The following COL13A1 variants were observed in gnomAD, a reference collection of about 807,000 sequenced individuals.
COL13A1 encodes collagen alpha-1(XIII) chain.
A neutral mutation model predicts 130.9 loss-of-function variants in COL13A1; 89 were observed. The observed-to-expected ratio is 0.68, with a 90% CI of 0.57 to 0.81. The LOEUF is 0.81. Ranked by LOEUF, COL13A1 falls within the 30% of genes least tolerant of loss-of-function variation. The pLI, the probability that COL13A1 is intolerant of heterozygous loss-of-function variation, is 0.00. For missense variants in COL13A1, 879 were observed against 934.6 expected, an observed-to-expected ratio of 0.94 and a Z score of 0.78; for synonymous variants, 402 against 341.6, an observed-to-expected ratio of 1.18 and a Z score of -1.95.
intron 3 of COL13A1, among the ~76,000 whole-genome samples, chr10:69,869,355 G>A (rs1042041746): frequency 2.6e-5 from 4 of 152,220 alleles, no homozygotes; most frequent in African/African-American, 7.2e-5. Flanking sequence ...GAAACCACAA[G>A]GCAGGAGGAG....
At chr10:69,908,423 G>A (rs752896766) in intron 17 of COL13A1, among the ~76,000 whole-genome samples, 1 of 152,172 alleles carries the variant, frequency 6.6e-6, no homozygotes, top group African/African-American at 2.4e-5. Flanking sequence ...CTGGTGCAAC[G>A]CGGGATCAGT....
chr10:69,932,641 G>A (rs558641164), intron 31 of COL13A1, 37 bp downstream of exon 31: 36 of 1,379,378 alleles, frequency 2.6e-5, no homozygotes, highest in Admixed American at 8.5e-5. Flanking sequence ...CTCATCAAGC[G>A]ACAGTCTCTG....
chr10:69,896,904 T>C (rs755345578), intron 13 of COL13A1, among the ~76,000 whole-genome samples: 10 of 152,222 alleles, frequency 6.6e-5, no homozygotes, highest in Non-Finnish European at 1.3e-4. Context: ...TGTGTTTATT[T>C]GAAACGATGG....
intron 30 of COL13A1, among the ~76,000 whole-genome samples, chr10:69,930,888 A>G (rs16927080): frequency 8.5e-5 from 13 of 152,336 alleles, no homozygotes; most frequent in Admixed American, 7.8e-4. Context: ...AGATGAAGAC[A>G]TGGTTTAGAG....
At position 69,905,770 on chromosome 10, in the gene COL13A1, T is replaced by G; in HGVS notation, c.886-17T>G. Reference sequence around the variant, plus strand: ...AGTGGGAAAACCTCTTTAATGGCCTTCTCTTTGTTTTCCCAGGGAGACCCA... The same window carrying G: ...AGTGGGAAAACCTCTTTAATGGCCTGCTCTTTGTTTTCCCAGGGAGACCCA... On this transcript the variant is annotated splice_polypyrimidine_tract_variant and intron_variant, in intron 16 of 40. Transcript: ENST00000645393. The G allele has an allele frequency of 6.2e-7, 1 of 1,613,046 alleles. No homozygotes were observed. The highest frequency in any genetic ancestry group is 2.2e-5 in the East Asian group (1 of 44,832).
chr10:69,855,311 T>A (rs550225444), intron 2 of COL13A1, among the ~76,000 whole-genome samples: 1 of 152,274 alleles, frequency 6.6e-6, no homozygotes, highest in Admixed American at 6.5e-5. Flanking sequence ...TGTGTTTCTT[T>A]ATTTCTTCCT....
chr10:69,939,812 C>T (rs959006701), intron 34 of COL13A1, among the ~76,000 whole-genome samples: 3 of 152,226 alleles, frequency 2.0e-5, no homozygotes, highest in African/African-American at 7.2e-5. Context: ...AGAACCACAG[C>T]TCTCTAGCCC....
In COL13A1 at chr10:69,952,889, G is replaced by A; in HGVS notation, c.2066G>A (p.Arg689Lys). Reference sequence around the variant, plus strand: ...CTAAACCATTATTTACAGGGGGAGAGGGGGAAGAAAGGCTCTAGAGGGCCT... The same window carrying A: ...CTAAACCATTATTTACAGGGGGAGAAGGGGAAGAAAGGCTCTAGAGGGCCT... The part of the protein sequence containing the change: ...PPGDKGNRGE[R>K]GKKGSRGPKG... Residue 689 changes from arginine to lysine, a missense_variant, in exon 39 of 41, where the codon AGG becomes AAG. Physicochemically the swap from Arg to Lys is conservative, Grantham distance 26 (BLOSUM62 2). Transcript: ENST00000645393. 1.9e-6 allele frequency: 3 copies of A among 1,552,566 alleles called. No homozygotes were observed. Among genetic ancestry groups the A allele is most frequent in the Admixed American group, 2.2e-5 (1 of 45,572 alleles).
At chr10:69,807,531 G>C (rs1232661778) in intron 1 of COL13A1, among the ~76,000 whole-genome samples, 1 of 152,236 alleles carries the variant, frequency 6.6e-6, no homozygotes, top group Non-Finnish European at 1.5e-5. Flanking sequence ...GTAGGGGACA[G>C]ATATAGGGGA....
rs775021588 is a variant in COL13A1, at chr10:69,936,792, A to G, written c.1797+10A>G. 6.2e-7 allele frequency: 1 copy of G among 1,613,962 alleles called. No individual in the cohort carries two copies. Among genetic ancestry groups the G allele is most frequent in the Non-Finnish European group, 8.5e-7 (1 of 1,179,852 alleles). Reference sequence around the variant, plus strand: ...TGTTCCTGGACCAAAGGTAAGGAGAAGTCACATGACAGGCGCTGTGTCAGT... The same window carrying G: ...TGTTCCTGGACCAAAGGTAAGGAGAGGTCACATGACAGGCGCTGTGTCAGT... On this transcript the variant is annotated intron_variant, in intron 33 of 40. Coordinates refer to ENST00000645393, the MANE Select transcript of COL13A1 (RefSeq NM_001368882.1).
chr10:69,944,311 A>T, intron 36 of COL13A1, 133 bp downstream of exon 36: 2 of 779,396 alleles, frequency 2.6e-6, no homozygotes, highest in Non-Finnish European at 4.3e-6. Context: ...GCAGCCTGGG[A>T]CAGGGGGTGC....
chr10:69,931,352 G>A (rs1048071051), intron 30 of COL13A1: 1 of 388,232 alleles, frequency 2.6e-6, no homozygotes, highest in African/African-American at 2.1e-5. Context: ...CTGACACTGT[G>A]ACGAGGCTGC....
chr10:69,904,976 G>T lies in COL13A1; in HGVS notation c.885+17G>T, dbSNP rs766652306. ...GGACCAAAGGTGAGTGTCCTTCTGG[G>T]TGATGTGTTGAACAGGTGGGAGAAT... On this transcript the variant is annotated intron_variant, in intron 16 of 40. Coordinates refer to ENST00000645393, the MANE Select transcript of COL13A1 (RefSeq NM_001368882.1). The T allele has an allele frequency of 6.4e-7, 1 of 1,561,748 alleles. No homozygotes were observed.
At chr10:69,869,266 AAG>A (rs2058827046) in intron 3 of COL13A1, among the ~76,000 whole-genome samples, 1 of 152,232 alleles carries the variant, frequency 6.6e-6, no homozygotes, top group Admixed American at 6.5e-5. Flanking sequence ...CAGAGTGAAG[AAG>A]AAAGGCCCAG....
chr10:69,912,371 C>G (rs2063475269), intron 17 of COL13A1, among the ~76,000 whole-genome samples: 1 of 152,194 alleles, frequency 6.6e-6, no homozygotes. Flanking sequence ...GGTTCCGGTC[C>G]TCTCTGGTGT....
chr10:69,930,646 G>A, intron 30 of COL13A1, 94 bp downstream of exon 30: 3 of 1,375,436 alleles, frequency 2.2e-6, no homozygotes, highest in Non-Finnish European at 1.9e-6. Flanking sequence ...GATGTGAGCT[G>A]CTGCCTGGGC....
At chr10:69,917,386 C>G in intron 18 of COL13A1, 53 bp downstream of exon 18, 1 of 1,508,088 alleles carries the variant, frequency 6.6e-7, no homozygotes, top group Non-Finnish European at 9.1e-7. Flanking sequence ...TCCCCCAGTG[C>G]CCATCCCTCT....
chr10:69,913,607 C>T lies in COL13A1; in HGVS notation c.922-3682C>T, dbSNP rs147443789. Among the ~76,000 whole-genome samples, 783 of 152,302 alleles carry T rather than the reference C, an allele frequency of 5.1e-3. 9 individuals are homozygous for T. Among genetic ancestry groups the T allele is most frequent in the African/African-American group, 0.018 (765 of 41,566 alleles). On this transcript the variant is annotated intron_variant, in intron 17 of 40. Coordinates refer to ENST00000645393, the MANE Select transcript of COL13A1 (RefSeq NM_001368882.1). ...CAATAACCACGCCCTCCCCCTCCCC[C>T]GCCTCCTGCCTCCTGCACATGGGCC...
intron 17 of COL13A1, among the ~76,000 whole-genome samples, chr10:69,909,134 T>C (rs1279841604): frequency 2.0e-5 from 3 of 152,202 alleles, no homozygotes; most frequent in Admixed American, 6.5e-5. Flanking sequence ...GCTCTGAGCC[T>C]TGATCCCTGG....
Sources: gnomAD v4.1 joint callset for allele counts (sites outside exome capture counted in the v4.1 genomes callset) on GRCh38, gnomAD v4.1.1 for gene constraint, MANE v1.5 for transcripts, NCBI Gene and HGNC (gene_info 2026-07-23, HGNC 2026-07-21) for gene names.